Variants in IFNLR1 observed in about 807,000 individuals in gnomAD.
The protein encoded by IFNLR1 is interferon lambda receptor 1.
A neutral mutation model predicts 52.5 loss-of-function variants in IFNLR1; 28 were observed. The observed-to-expected ratio is 0.53, with a 90% CI of 0.40 to 0.73. The LOEUF is 0.73. Among genes scored for constraint, IFNLR1 ranks in the 30% least tolerant of loss-of-function variants. The pLI, the probability that IFNLR1 is intolerant of heterozygous loss-of-function variation, is 0.00. For synonymous variants in IFNLR1, 276 were observed against 274.9 expected (o/e 1.00, Z -0.04); for missense variants, 623 against 659.1 (o/e 0.95, Z 0.60).
chr1:24,172,245 T>A (rs1644588439), intron 2 of IFNLR1, among the ~76,000 whole-genome samples: 1 of 152,270 alleles, frequency 6.6e-6, no homozygotes, highest in Admixed American at 6.5e-5. Flanking sequence ...AACATATAGC[T>A]TTAAATACTT....
At chr1:24,161,215 A>C (rs1382911349) in intron 4 of IFNLR1, among the ~76,000 whole-genome samples, 1 of 152,234 alleles carries the variant, frequency 6.6e-6, no homozygotes, top group Admixed American at 6.5e-5. Flanking sequence ...GCAGCTATAC[A>C]CACATGCATA....
rs1289138123 is a variant in IFNLR1 at position 24,154,301 on chromosome 1, C to T, written c.*2829G>A. On this transcript the variant is annotated 3_prime_UTR_variant, in exon 7 of 7. Coordinates refer to ENST00000327535, the MANE Select transcript of IFNLR1 (RefSeq NM_170743.4). ...ACAAATACATAAGAACAACATATAC[C>T]GTTAGTAGTCTAAAGGGATACATGT... The T allele has an allele frequency of 5.9e-5, 9 of 151,998 alleles. No individual in the cohort carries two copies. Among genetic ancestry groups the T allele is most frequent in the South Asian group, 2.1e-4 (1 of 4,820 alleles). The allele number at this position is 151,998 out of a possible 1,614,324, so 9.4% of individuals were successfully genotyped here. A position where few individuals can be genotyped will look rare whatever the true frequency, so the allele number is the denominator to read the frequency against.
chr1:24,159,726 G>GTTTTTTTTTTTTGTTTT, intron 4 of IFNLR1, 93 bp from the exon 5 acceptor site: 13 of 761,892 alleles, frequency 1.7e-5, no homozygotes, highest in African/African-American at 3.8e-5. Context: ...ATGGTAGGGT[G>GTTTTTTTTTTTTGTTTT]TTTTTTTTTT....
At chr1:24,168,257 CTCT>C (rs1222396278) in intron 3 of IFNLR1, among the ~76,000 whole-genome samples, 3 of 152,104 alleles carry the variant, frequency 2.0e-5, no homozygotes, top group African/African-American at 7.2e-5. Context: ...CACGAATCAT[CTCT>C]TCTTCCTTCT....
At chr1:24,160,657 T>C (rs1644432481) in intron 4 of IFNLR1, among the ~76,000 whole-genome samples, 1 of 152,200 alleles carries the variant, frequency 6.6e-6, no homozygotes, top group Non-Finnish European at 1.5e-5. Context: ...GTTACTTTAG[T>C]GGAAGCAAGA....
rs555366569 is a variant in IFNLR1, at chr1:24,176,372, G to A, written c.182+4359C>T. Reference sequence around the variant, plus strand: ...CAAAGTGGATGAGGGAACTTTCTGGGGTGATAGAGAACGTCTTACATCTTG... The same window carrying A: ...CAAAGTGGATGAGGGAACTTTCTGGAGTGATAGAGAACGTCTTACATCTTG... On this transcript the variant is annotated intron_variant, in intron 2 of 6. Transcript: ENST00000327535. Among the ~76,000 whole-genome samples, 5 of 152,344 alleles carry A rather than the reference G, an allele frequency of 3.3e-5. No homozygotes were observed. The East Asian group carries it at 5.8e-4, about 18-fold the overall frequency.
chr1:24,171,462 G>A (rs941123907), intron 2 of IFNLR1, among the ~76,000 whole-genome samples: 5 of 152,068 alleles, frequency 3.3e-5, no homozygotes, highest in Non-Finnish European at 7.4e-5. Flanking sequence ...ATAACAAAAA[G>A]AGAACTAAAG....
At chr1:24,183,509 C>T (rs1335982045) in intron 1 of IFNLR1, among the ~76,000 whole-genome samples, 1 of 152,106 alleles carries the variant, frequency 6.6e-6, no homozygotes, top group Non-Finnish European at 1.5e-5. Flanking sequence ...TTCGCCTGAG[C>T]CCAGGAGTTC....
At chr1:24,165,794 G>A (rs955099411) in intron 3 of IFNLR1, among the ~76,000 whole-genome samples, 3 of 152,140 alleles carry the variant, frequency 2.0e-5, no homozygotes, top group Non-Finnish European at 2.9e-5. Flanking sequence ...TACTGACTAG[G>A]TATCAAGCTT....
intron 1 of IFNLR1, among the ~76,000 whole-genome samples, chr1:24,183,193 A>C (rs1245730646): frequency 6.6e-6 from 1 of 152,188 alleles, no homozygotes. Flanking sequence ...ACTGTAGTCT[A>C]AGGTCATTGC....
chr1:24,162,879 CCT>C (rs766778030), intron 3 of IFNLR1, among the ~76,000 whole-genome samples: 10 of 53,584 alleles, frequency 1.9e-4, no homozygotes, highest in Non-Finnish European at 3.3e-4. Context: ...TTCTTTCTTT[CCT>C]TCCTTCCTTC....
chr1:24,182,852 G>A (rs1644704409), intron 1 of IFNLR1, among the ~76,000 whole-genome samples: 1 of 152,180 alleles, frequency 6.6e-6, no homozygotes, highest in South Asian at 2.1e-4. Context: ...TCCGGGAGGT[G>A]GAGGTTGCAG....
At chr1:24,162,872 T>C (rs200261193) in intron 3 of IFNLR1, among the ~76,000 whole-genome samples, 4,939 of 39,048 alleles carry the variant, frequency 0.13, 601 homozygotes, top group Middle Eastern at 0.2. Context: ...TCTTTCTTTC[T>C]TTCTTTCCTT....
At chr1:24,172,821 T>C (rs1476535539) in intron 2 of IFNLR1, among the ~76,000 whole-genome samples, 1 of 151,926 alleles carries the variant, frequency 6.6e-6, no homozygotes. Context: ...CATCAGCAGG[T>C]TTGGTTTCTA....
At chr1:24,173,747 C>T (rs919983387) in intron 2 of IFNLR1, among the ~76,000 whole-genome samples, 2 of 151,984 alleles carry the variant, frequency 1.3e-5, no homozygotes, top group Non-Finnish European at 2.9e-5. Context: ...CCCCTGGGCT[C>T]AAGGGATCCT....
At chr1:24,177,762 G>A (rs1191575519) in intron 2 of IFNLR1, among the ~76,000 whole-genome samples, 5 of 152,176 alleles carry the variant, frequency 3.3e-5, no homozygotes, top group African/African-American at 7.2e-5. Context: ...CCCTTTGGGC[G>A]AAAAGAGCAA....
chr1:24,176,934 A>G (rs901659572), intron 2 of IFNLR1, among the ~76,000 whole-genome samples: 1 of 152,214 alleles, frequency 6.6e-6, no homozygotes, highest in African/African-American at 2.4e-5. Context: ...ACACAGAAAA[A>G]GAAGATCCAA....
Position 24,180,793 on chromosome 1 carries a change from G to A in IFNLR1, c.120C>T (p.Tyr40=). The A allele has an allele frequency of 6.2e-7, 1 of 1,613,854 alleles. No individual in the cohort carries two copies. The highest frequency in any genetic ancestry group is 8.5e-7 in the Non-Finnish European group (1 of 1,179,820). ...VTLLSQNFSV[Y]LTWLPGLGNP... ...TGCCAAGCCCTGGGAGCCATGTCAG[G>A]TACACGCTGAAGTTCTGGGAGAGCA... Residue 40 remains tyrosine (Y), a synonymous_variant, in exon 2 of 7, where the codon TAC becomes TAT. Coordinates refer to ENST00000327535, the MANE Select transcript of IFNLR1 (RefSeq NM_170743.4).
rs143399355 is a variant in IFNLR1 at position 24,166,176 on chromosome 1, C to CCCAT, written c.367+3237_367+3240dup. 1.5e-3 allele frequency among the ~76,000 whole-genome samples: 223 copies of CCCAT among 149,466 alleles called. 1 individual carries two copies. Among genetic ancestry groups the CCCAT allele is most frequent in the African/African-American group, 4.3e-3 (175 of 40,564 alleles). Reference sequence around the variant, plus strand: ...CTGCCTTCTTATCCTTCCTTTCCTTCCCATCCATCCATCCATCCATCCATC... The same window carrying CCCAT: ...CTGCCTTCTTATCCTTCCTTTCCTTCCCATCCATCCATCCATCCATCCATCCATC... On this transcript the variant is annotated intron_variant, in intron 3 of 6. Transcript: ENST00000327535.
Sources: gnomAD v4.1 joint callset for allele counts (sites outside exome capture counted in the v4.1 genomes callset) on GRCh38, gnomAD v4.1.1 for gene constraint, MANE v1.5 for transcripts, NCBI Gene and HGNC (gene_info 2026-07-23, HGNC 2026-07-21) for gene names.